The following SAMD3 variants were observed in gnomAD, a reference collection of about 807,000 sequenced individuals.
SAMD3 encodes the protein sterile alpha motif domain containing 3, also known as sterile alpha motif domain-containing protein 3.
In SAMD3, 63 loss-of-function variants were observed where a neutral mutation model predicts 58.5. The observed-to-expected ratio is 1.08, with a 90% CI of 0.88 to 1.33. The LOEUF is 1.33. Among genes scored for constraint, SAMD3 ranks in the 40% most tolerant of loss-of-function variants. The pLI is 0.00. For synonymous variants in SAMD3, 220 were observed against 210.3 expected (o/e 1.05, Z -0.40); for missense variants, 604 against 608.4 (o/e 0.99, Z 0.08).
intron 2 of SAMD3, among the ~76,000 whole-genome samples, chr6:130,275,603 T>C (rs1774747828): frequency 6.6e-6 from 1 of 152,132 alleles, no homozygotes. Context: ...AGTTTATTAA[T>C]TTACCAATAC....
chr6:130,155,697 G>A (rs576122434), intron 8 of SAMD3, among the ~76,000 whole-genome samples: 111 of 152,248 alleles, frequency 7.3e-4, no homozygotes, highest in African/African-American at 2.6e-3. Flanking sequence ...TTGATCAACT[G>A]TCTAGCTGAC....
At chr6:130,264,592 A>T (rs972782968) in intron 2 of SAMD3, among the ~76,000 whole-genome samples, 3 of 152,186 alleles carry the variant, frequency 2.0e-5, no homozygotes, top group African/African-American at 7.2e-5. Flanking sequence ...GAAGCCCCTT[A>T]TGGGTCTTTC....
intron 7 of SAMD3, among the ~76,000 whole-genome samples, chr6:130,180,318 A>G (rs747251130): frequency 0.014 from 671 of 48,292 alleles, 4 homozygotes; most frequent in Non-Finnish European, 0.022. Flanking sequence ...TTTTTTTTGT[A>G]GGGATGGGGT....
chr6:130,220,916 C>T (rs974531741), intron 1 of SAMD3, among the ~76,000 whole-genome samples: 9 of 151,920 alleles, frequency 5.9e-5, no homozygotes, highest in African/African-American at 7.3e-5. Context: ...TGCAGTGGCA[C>T]GATCTCGGCT....
At chr6:130,169,940 T>A (rs1791087573) in intron 8 of SAMD3, among the ~76,000 whole-genome samples, 1 of 152,242 alleles carries the variant, frequency 6.6e-6, no homozygotes, top group African/African-American at 2.4e-5. Flanking sequence ...GAGGGGAAAC[T>A]GAATGGAAAG....
At chr6:130,248,144 A>G (rs191446125) in intron 2 of SAMD3, among the ~76,000 whole-genome samples, 89 of 150,908 alleles carry the variant, frequency 5.9e-4, no homozygotes, top group Non-Finnish European at 6.9e-4. Flanking sequence ...TGTTATTTTG[A>G]ACTGTTCTGA....
At chr6:130,306,587 C>T (rs1310097129) in intron 2 of SAMD3, among the ~76,000 whole-genome samples, 1 of 152,192 alleles carries the variant, frequency 6.6e-6, no homozygotes, top group Non-Finnish European at 1.5e-5. Context: ...TTCTATTCCA[C>T]TAACTGTCCA....
intron 2 of SAMD3, among the ~76,000 whole-genome samples, chr6:130,235,201 C>G (rs1433302267): frequency 6.6e-6 from 1 of 152,168 alleles, no homozygotes; most frequent in African/African-American, 2.4e-5. Flanking sequence ...ATGAAAACAG[C>G]TAAGTTTTTC....
At chr6:130,230,133 A>T (rs143191945) in intron 2 of SAMD3, among the ~76,000 whole-genome samples, 6 of 152,344 alleles carry the variant, frequency 3.9e-5, no homozygotes, top group African/African-American at 1.2e-4. Context: ...ATTTGCATAG[A>T]GTGCCGTTAA....
intron 5 of SAMD3, among the ~76,000 whole-genome samples, chr6:130,201,940 G>A (rs1217214096): frequency 6.6e-6 from 1 of 152,108 alleles, no homozygotes; most frequent in Non-Finnish European, 1.5e-5. Context: ...CTGTGTTGCA[G>A]GTACTCGCTT....
intron 1 of SAMD3, among the ~76,000 whole-genome samples, chr6:130,347,816 G>A (rs1455145984): frequency 1.3e-5 from 2 of 152,114 alleles, no homozygotes; most frequent in East Asian, 1.9e-4. Flanking sequence ...AATGTTAAGG[G>A]CAGCCAGAGA....
chr6:130,304,063 C>G (rs1274782810), intron 2 of SAMD3, among the ~76,000 whole-genome samples: 1 of 151,938 alleles, frequency 6.6e-6, no homozygotes, highest in African/African-American at 2.4e-5. Flanking sequence ...TAAATGTTTT[C>G]CCTTTCAAAT....
intron 8 of SAMD3, among the ~76,000 whole-genome samples, chr6:130,165,333 C>T (rs2114629505): frequency 6.6e-6 from 1 of 152,122 alleles, no homozygotes; most frequent in South Asian, 2.1e-4. Context: ...ACCTACATAA[C>T]ATTAAGAGCT....
At chr6:130,185,048 A>T (rs1792805582) in intron 5 of SAMD3, among the ~76,000 whole-genome samples, 1 of 152,226 alleles carries the variant, frequency 6.6e-6, no homozygotes, top group Non-Finnish European at 1.5e-5. Flanking sequence ...TAATTAATTT[A>T]TTCTGCTGTT....
chr6:130,294,294 C>T (rs550077851), intron 2 of SAMD3, among the ~76,000 whole-genome samples: 2 of 152,238 alleles, frequency 1.3e-5, no homozygotes, highest in East Asian at 3.9e-4. Context: ...CAAAGCAAGC[C>T]TAAAATCTAC....
chr6:130,305,597 A>C (rs1441325972), intron 2 of SAMD3, among the ~76,000 whole-genome samples: 2 of 152,154 alleles, frequency 1.3e-5, no homozygotes, highest in Admixed American at 6.6e-5. Context: ...GTTAGATAAG[A>C]ATTTTAGTCA....
chr6:130,235,255 G>A (rs778226801), intron 2 of SAMD3, among the ~76,000 whole-genome samples: 11 of 152,198 alleles, frequency 7.2e-5, no homozygotes, highest in Non-Finnish European at 1.2e-4. Flanking sequence ...TCTTCTGGTA[G>A]AACTAAATCA....
chr6:130,241,341 A>G lies in SAMD3; in HGVS notation c.-187-18528T>C, dbSNP rs1437451263. 2.0e-5 allele frequency among the ~76,000 whole-genome samples: 3 copies of G among 150,402 alleles called. No homozygotes were observed. In the East Asian group the frequency reaches 5.9e-4, roughly 30 times the overall value. The stretch of plus-strand genomic sequence containing the variant: ...AGTGATTCTCCTGCTTCAGCCTCCC[A>G]AGGAGCTGGGACTACAGGTGTGTGC... On this transcript the variant is annotated intron_variant, in intron 2 of 13. Transcript: ENST00000368134.
intron 1 of SAMD3, among the ~76,000 whole-genome samples, chr6:130,218,861 C>T (rs1162623913): frequency 6.6e-6 from 1 of 152,066 alleles, no homozygotes; most frequent in Non-Finnish European, 1.5e-5. Flanking sequence ...GACCGTGCTG[C>T]TTGGAATAGG....
Sources: gnomAD v4.1 joint callset for allele counts (sites outside exome capture counted in the v4.1 genomes callset) on GRCh38, gnomAD v4.1.1 for gene constraint, MANE v1.5 for transcripts, NCBI Gene and HGNC (gene_info 2026-07-23, HGNC 2026-07-21) for gene names.